AOPEP: variants seen among roughly 807,000 people sequenced by gnomAD.
AOPEP encodes aminopeptidase O.
In AOPEP, 77 loss-of-function variants were observed where a neutral mutation model predicts 98.1. The observed-to-expected ratio is 0.78, with a 90% CI of 0.65 to 0.95. AOPEP has a LOEUF of 0.95. Among genes scored for constraint, AOPEP ranks in the 40% least tolerant of loss-of-function variants. The pLI is 0.00. For synonymous variants in AOPEP, 346 were observed against 365.3 expected, an observed-to-expected ratio of 0.95 and a Z score of 0.60; for missense variants, 1,024 against 1,024.7, an observed-to-expected ratio of 1.00 and a Z score of 0.01.
At chr9:94,777,386 C>T (rs1441619407) in intron 3 of AOPEP, among the ~76,000 whole-genome samples, 2 of 149,946 alleles carry the variant, frequency 1.3e-5, no homozygotes, top group Non-Finnish European at 3.0e-5. Context: ...GAGCTGAGAT[C>T]GTGCCACTGC....
chr9:94,955,326 T>C (rs1317355875), intron 8 of AOPEP, 47 bp downstream of exon 8: 1 of 1,175,926 alleles, frequency 8.5e-7, no homozygotes, highest in Non-Finnish European at 1.3e-6. Context: ...GTGCAGCACT[T>C]TTTAGGCCAC....
chr9:95,010,639 A>G (rs1009614660), intron 13 of AOPEP, among the ~76,000 whole-genome samples: 1 of 152,202 alleles, frequency 6.6e-6, no homozygotes, highest in African/African-American at 2.4e-5. Flanking sequence ...ATCTCTTACA[A>G]TAGCTTCATT....
Position 94,838,421 on chromosome 9 carries a change from G to A in AOPEP, c.1364+37419G>A, listed in dbSNP as rs760897688. 7.6e-4 allele frequency among the ~76,000 whole-genome samples: 115 copies of A among 152,110 alleles called. 1 individual carries two copies. Among genetic ancestry groups the A allele is most frequent in the Non-Finnish European group, 1.3e-3 (91 of 68,020 alleles). ...ACCATGCTTGTGTGGGTCTATTTCT[G>A]GATGTTTTCATCTCTTCCATTGATT... On this transcript the variant is annotated intron_variant, in intron 5 of 16. Transcript: ENST00000375315.
At chr9:95,063,019 C>G (rs2067465046) in intron 14 of AOPEP, among the ~76,000 whole-genome samples, 1 of 152,222 alleles carries the variant, frequency 6.6e-6, no homozygotes, top group African/African-American at 2.4e-5. Flanking sequence ...CTCCTTGATG[C>G]TCCTTGGCCT....
chr9:95,064,393 C>T (rs1400800902), intron 14 of AOPEP, among the ~76,000 whole-genome samples: 4 of 152,210 alleles, frequency 2.6e-5, no homozygotes, highest in African/African-American at 9.6e-5. Flanking sequence ...CTCCCAGGTT[C>T]AAGCAGTTCT....
At chr9:94,924,639 T>C (rs1328967284) in intron 6 of AOPEP, among the ~76,000 whole-genome samples, 1 of 152,208 alleles carries the variant, frequency 6.6e-6, no homozygotes, top group African/African-American at 2.4e-5. Context: ...TCATCTCAGA[T>C]GTCTGCTCAC....
intron 5 of AOPEP, among the ~76,000 whole-genome samples, chr9:94,898,182 A>G (rs2049844943): frequency 6.6e-6 from 1 of 152,198 alleles, no homozygotes; most frequent in Non-Finnish European, 1.5e-5. Context: ...ACTGCTAGGA[A>G]TTTCACCAAA....
Position 94,967,739 on chromosome 9 carries a change from T to G in AOPEP, c.1873-19T>G. Reference sequence around the variant, plus strand: ...TTTATTGATGGACATCTTTAATGATTTGCTTTTTTTAATCCCAGGATTTCC... The same window carrying G: ...TTTATTGATGGACATCTTTAATGATGTGCTTTTTTTAATCCCAGGATTTCC... On this transcript the variant is annotated intron_variant, in intron 9 of 16. Coordinates refer to ENST00000375315, the MANE Select transcript of AOPEP (RefSeq NM_001193329.3). 1 of 1,608,762 alleles carries G rather than the reference T, an allele frequency of 6.2e-7. No individual in the cohort carries two copies. Among genetic ancestry groups the G allele is most frequent in the Non-Finnish European group, 8.5e-7 (1 of 1,175,086 alleles).
intron 13 of AOPEP, chr9:95,006,159 C>T (rs1255464899): frequency 2.2e-6 from 1 of 460,408 alleles, no homozygotes; most frequent in Non-Finnish European, 4.5e-6. Flanking sequence ...TTTGGACTGC[C>T]TGTCTTTTGA....
chr9:94,940,626 A>G (rs995754087), intron 7 of AOPEP, among the ~76,000 whole-genome samples: 1 of 152,172 alleles, frequency 6.6e-6, no homozygotes, highest in African/African-American at 2.4e-5. Flanking sequence ...AAAATAAAAT[A>G]AAATAGAATG....
At chr9:94,790,030 C>T (rs532900168) in intron 3 of AOPEP, among the ~76,000 whole-genome samples, 2,255 of 151,650 alleles carry the variant, frequency 0.015, 55 homozygotes, top group African/African-American at 0.052. Flanking sequence ...CCCACCATCA[C>T]GCCCGGCTAA....
At chr9:94,782,021 C>T (rs12346548) in intron 3 of AOPEP, among the ~76,000 whole-genome samples, 13,302 of 150,672 alleles carry the variant, frequency 0.088, 705 homozygotes, top group African/African-American at 0.13. Flanking sequence ...GAAATGCCGT[C>T]TCTACTAAAA....
At chr9:95,047,475 T>A (rs1184945072) in intron 13 of AOPEP, among the ~76,000 whole-genome samples, 1 of 152,240 alleles carries the variant, frequency 6.6e-6, no homozygotes. Flanking sequence ...TCTACAACAT[T>A]CTAATTACAT....
intron 5 of AOPEP, among the ~76,000 whole-genome samples, chr9:94,856,315 T>C (rs144688948): frequency 0.014 from 2,155 of 152,174 alleles, 48 homozygotes; most frequent in East Asian, 0.089. Flanking sequence ...AGCTATTTAC[T>C]ACCCATGAGA....
At chr9:95,030,354 G>A (rs2064191463) in intron 13 of AOPEP, among the ~76,000 whole-genome samples, 1 of 152,182 alleles carries the variant, frequency 6.6e-6, no homozygotes, top group African/African-American at 2.4e-5. Flanking sequence ...ATTGAATTCA[G>A]TTGTTTTGAA....
At chr9:95,033,754 A>G (rs1296688486) in intron 13 of AOPEP, among the ~76,000 whole-genome samples, 3 of 152,232 alleles carry the variant, frequency 2.0e-5, no homozygotes, top group Non-Finnish European at 4.4e-5. Context: ...AGCAAATCAC[A>G]ATACAGTGTT....
chr9:95,067,881 G>C (rs1177304985), intron 14 of AOPEP, among the ~76,000 whole-genome samples: 1 of 152,108 alleles, frequency 6.6e-6, no homozygotes, highest in Non-Finnish European at 1.5e-5. Flanking sequence ...TCATTTTTCT[G>C]TCTCTATAGA....
intron 11 of AOPEP, among the ~76,000 whole-genome samples, chr9:94,996,902 AG>A (rs1482492985): frequency 6.6e-6 from 1 of 152,204 alleles, no homozygotes; most frequent in African/African-American, 2.4e-5. Flanking sequence ...CACACAGCAA[AG>A]GGTCTTTTCC....
intron 16 of AOPEP, among the ~76,000 whole-genome samples, chr9:95,084,412 G>A (rs901153578): frequency 5.3e-5 from 8 of 152,370 alleles, no homozygotes; most frequent in South Asian, 2.1e-4. Flanking sequence ...GTCTCGTAGC[G>A]AAACGCCTGC....
Sources: allele counts gnomAD v4.1 joint callset (sites outside exome capture counted in the v4.1 genomes callset), GRCh38; gene constraint gnomAD v4.1.1; transcripts MANE v1.5; gene names NCBI Gene and HGNC (gene_info 2026-07-23, HGNC 2026-07-21).